The following ALDH1A1 variants were observed in gnomAD, a reference collection of about 807,000 sequenced individuals.
ALDH1A1 encodes the protein aldehyde dehydrogenase 1 family member A1, also known as aldehyde dehydrogenase 1A1.
Under a neutral mutation model 62.1 loss-of-function variants are expected in ALDH1A1, and 19 were observed. That is an observed-to-expected ratio of 0.31 (90% CI 0.21 to 0.45). ALDH1A1 has a LOEUF of 0.45. ALDH1A1 is among the 20% of genes least tolerant of loss of function. The pLI is 1.00. For synonymous variants in ALDH1A1, 231 were observed against 215.9 expected, an observed-to-expected ratio of 1.07 and a Z score of -0.61; for missense variants, 521 against 607.1, an observed-to-expected ratio of 0.86 and a Z score of 1.49.
rs1830423749 is a variant in ALDH1A1, at chr9:72,942,315, G to A, written c.67-2063C>T. ...CAACTTGTCCCGAACTCAGCTCACT[G>A]TCATCTCTAGCTTTATGCTGCTCTC... On this transcript the variant is annotated intron_variant, in intron 1 of 12. Coordinates refer to ENST00000297785, the MANE Select transcript of ALDH1A1 (RefSeq NM_000689.5). 4.1e-6 allele frequency: 4 copies of A among 985,118 alleles called. No homozygotes were observed. The South Asian group carries it at 1.4e-4, about 35-fold the overall frequency. 61.0% of individuals were successfully genotyped at this position (985,118 alleles called of 1,614,324 possible).
In ALDH1A1 at chr9:72,912,138, C is replaced by T. The variant is rs763846048; in HGVS notation, c.1036-16G>A. 3.1e-6 allele frequency: 5 copies of T among 1,602,174 alleles called. No homozygotes were observed. In the South Asian group the frequency reaches 5.6e-5, roughly 18 times the overall value. On this transcript the variant is annotated splice_polypyrimidine_tract_variant and intron_variant, in intron 9 of 12. Coordinates refer to ENST00000297785, the MANE Select transcript of ALDH1A1 (RefSeq NM_000689.5). ...CCTTGTCAATCTATTTGAAAAATATCACATGAAAAGAAAAAAAGTAGTCAC... is the reference window on the plus strand; with the variant it reads ...CCTTGTCAATCTATTTGAAAAATATTACATGAAAAGAAAAAAAGTAGTCAC...
At chr9:72,924,612 T>C (rs536610819) in intron 6 of ALDH1A1, among the ~76,000 whole-genome samples, 1 of 152,324 alleles carries the variant, frequency 6.6e-6, no homozygotes, top group South Asian at 2.1e-4. Context: ...AATTGTTAAG[T>C]AAATACTGTC....
intron 4 of ALDH1A1, among the ~76,000 whole-genome samples, chr9:72,927,653 C>G (rs1830228655): frequency 6.6e-6 from 1 of 151,966 alleles, no homozygotes; most frequent in South Asian, 2.1e-4. Context: ...AAAGTTCTAC[C>G]AATAAGAGAA....
chr9:72,940,580 T>TAAAAA (rs2118568009), intron 1 of ALDH1A1, among the ~76,000 whole-genome samples: 1 of 152,350 alleles, frequency 6.6e-6, no homozygotes, highest in Admixed American at 6.5e-5. Flanking sequence ...GCTTGGTCTT[T>TAAAAA]ATTAATGATT....
chr9:72,925,004 T>C (rs1830186638), intron 6 of ALDH1A1, among the ~76,000 whole-genome samples: 1 of 152,204 alleles, frequency 6.6e-6, no homozygotes, highest in African/African-American at 2.4e-5. Context: ...AATATAAACA[T>C]ATCCACTCAT....
chr9:72,906,468 A>G (rs971413196), intron 11 of ALDH1A1, among the ~76,000 whole-genome samples: 1 of 152,118 alleles, frequency 6.6e-6, no homozygotes, highest in Non-Finnish European at 1.5e-5. Context: ...TGCAATTGTA[A>G]TATGTATCAT....
At chr9:72,949,671 G>A (rs1278753907) in intron 1 of ALDH1A1, among the ~76,000 whole-genome samples, 1 of 151,442 alleles carries the variant, frequency 6.6e-6, no homozygotes, top group Admixed American at 6.6e-5. Context: ...GTGCGTGTGT[G>A]TGTGTGTGTG....
At chr9:72,950,288 G>A (rs1031353963) in intron 1 of ALDH1A1, among the ~76,000 whole-genome samples, 1 of 151,818 alleles carries the variant, frequency 6.6e-6, no homozygotes, top group African/African-American at 2.4e-5. Context: ...AAGTAATGTA[G>A]CTTGCCCAAT....
chr9:72,908,535 GAAAGA>G (rs1829915792), intron 11 of ALDH1A1, among the ~76,000 whole-genome samples: 4 of 110,858 alleles, frequency 3.6e-5, no homozygotes, highest in African/African-American at 1.4e-4. Context: ...AAGAAAGAAA[GAAAGA>G]AAGAAAAGAA....
chr9:72,910,432 A>G (rs1829968387), intron 10 of ALDH1A1, among the ~76,000 whole-genome samples: 1 of 152,166 alleles, frequency 6.6e-6, no homozygotes, highest in Admixed American at 6.5e-5. Flanking sequence ...AAACCATCCT[A>G]TTCTAATCAA....
At chr9:72,931,417 G>A (rs185583803) in intron 2 of ALDH1A1, among the ~76,000 whole-genome samples, 76 of 152,230 alleles carry the variant, frequency 5.0e-4, no homozygotes, top group African/African-American at 1.7e-3. Context: ...AAAGAGAGAC[G>A]GGAGCTTTGC....
chr9:72,918,655 T>C, intron 8 of ALDH1A1, 65 bp downstream of exon 8: 1 of 517,146 alleles, frequency 1.9e-6, no homozygotes, highest in Non-Finnish European at 3.2e-6. Context: ...TCAAGTTCAC[T>C]TTTGGCATTA....
chr9:72,908,625 A>G (rs1013235901), intron 11 of ALDH1A1, among the ~76,000 whole-genome samples: 5 of 130,706 alleles, frequency 3.8e-5, no homozygotes, highest in Admixed American at 2.4e-4. Flanking sequence ...GAAAGAAAGA[A>G]AGAGAATATT....
At chr9:72,949,523 T>C (rs1830512875) in intron 1 of ALDH1A1, among the ~76,000 whole-genome samples, 1 of 151,860 alleles carries the variant, frequency 6.6e-6, no homozygotes, top group Non-Finnish European at 1.5e-5. Context: ...CTCAGTTCCC[T>C]GAACTGTGAA....
chr9:72,928,763 A>G, intron 4 of ALDH1A1, 129 bp downstream of exon 4: 1 of 1,077,818 alleles, frequency 9.3e-7, no homozygotes, highest in South Asian at 2.9e-5. Context: ...TGTTGTCTCA[A>G]AGTCAAGAGG....
chr9:72,949,248 T>C (rs1306268579), intron 1 of ALDH1A1, among the ~76,000 whole-genome samples: 1 of 151,906 alleles, frequency 6.6e-6, no homozygotes, highest in Non-Finnish European at 1.5e-5. Context: ...TGTTCTCTTT[T>C]TCTAAGTTGG....
In ALDH1A1 at chr9:72,923,948, G is replaced by A. The variant is rs1830172987; in HGVS notation, c.747+71C>T. 6.6e-6 allele frequency: 7 copies of A among 1,057,486 alleles called. No individual in the cohort carries two copies. In the Admixed American group the frequency reaches 1.3e-4, roughly 20 times the overall value. The allele number at this position is 1,057,486 out of a possible 1,614,324, so 65.5% of individuals were successfully genotyped here. On this transcript the variant is annotated intron_variant, in intron 7 of 12. Coordinates refer to ENST00000297785, the MANE Select transcript of ALDH1A1 (RefSeq NM_000689.5). ...TTTTAAAATTGTTGGCTCAAAAATA[G>A]TTACATAAAACATACTTCATAGCTG...
chr9:72,906,234 G>A (rs1357690171), intron 11 of ALDH1A1, among the ~76,000 whole-genome samples: 3 of 152,082 alleles, frequency 2.0e-5, no homozygotes, highest in Non-Finnish European at 4.4e-5. Flanking sequence ...AAATAGAATA[G>A]TGCAACTATA....
chr9:72,950,686 T>C (rs1830533959), intron 1 of ALDH1A1, among the ~76,000 whole-genome samples: 1 of 151,648 alleles, frequency 6.6e-6, no homozygotes, highest in Non-Finnish European at 1.5e-5. Flanking sequence ...CTCCAACTTG[T>C]CCTAACAACC....
Sources: allele counts gnomAD v4.1 joint callset (sites outside exome capture counted in the v4.1 genomes callset), GRCh38; gene constraint gnomAD v4.1.1; transcripts MANE v1.5; gene names NCBI Gene and HGNC (gene_info 2026-07-23, HGNC 2026-07-21).